The following EPS15L1 variants were observed in gnomAD, a reference collection of about 807,000 sequenced individuals.
The protein encoded by EPS15L1 is epidermal growth factor receptor pathway substrate 15 like 1.
Under a neutral mutation model 117.1 loss-of-function variants are expected in EPS15L1, and 43 were observed. That is an observed-to-expected ratio of 0.37 (90% CI 0.29 to 0.47). The LOEUF is 0.47. Among genes scored for constraint, EPS15L1 ranks in the 20% least tolerant of loss-of-function variants. The pLI, the probability that EPS15L1 is intolerant of heterozygous loss-of-function variation, is 0.99. For missense variants in EPS15L1, 981 were observed against 1,164.0 expected (o/e 0.84, Z 2.29); for synonymous variants, 459 against 470.5 (o/e 0.98, Z 0.32).
At chr19:16,395,771 C>T (rs936049528) in intron 16 of EPS15L1, among the ~76,000 whole-genome samples, 3 of 152,134 alleles carry the variant, frequency 2.0e-5, no homozygotes, top group African/African-American at 7.2e-5. Flanking sequence ...TGGTGAAAAC[C>T]TGTCTCTACT....
intron 23 of EPS15L1, among the ~76,000 whole-genome samples, chr19:16,360,607 C>A (rs144985965): frequency 1.3e-5 from 2 of 151,792 alleles, no homozygotes; most frequent in Non-Finnish European, 2.9e-5. Flanking sequence ...ATTAGCCTTG[C>A]GTGGTGTTGC....
intron 1 of EPS15L1, among the ~76,000 whole-genome samples, chr19:16,459,492 T>C (rs1599686582): frequency 6.6e-6 from 1 of 151,870 alleles, no homozygotes; most frequent in African/African-American, 2.4e-5. Flanking sequence ...GGGAGGCAGG[T>C]GGTGGGCTGA....
At chr19:16,358,890 C>T (rs965794945) in intron 23 of EPS15L1, among the ~76,000 whole-genome samples, 4 of 152,308 alleles carry the variant, frequency 2.6e-5, no homozygotes, top group South Asian at 2.1e-4. Flanking sequence ...AGAACCGTTC[C>T]GCTAACCTAG....
At chr19:16,407,687 A>T (rs768093034) in intron 13 of EPS15L1, among the ~76,000 whole-genome samples, 2 of 152,196 alleles carry the variant, frequency 1.3e-5, no homozygotes, top group Non-Finnish European at 2.9e-5. Context: ...AATAAAGCTG[A>T]AATACACAAT....
chr19:16,386,637 G>C (rs570986085), intron 19 of EPS15L1, among the ~76,000 whole-genome samples: 2 of 152,314 alleles, frequency 1.3e-5, no homozygotes, highest in Admixed American at 6.5e-5. Context: ...ATGGAGCCCA[G>C]AGACAACCAC....
intron 22 of EPS15L1, among the ~76,000 whole-genome samples, chr19:16,375,152 G>C (rs1568397331): frequency 1.3e-5 from 2 of 152,252 alleles, no homozygotes; most frequent in African/African-American, 4.8e-5. Flanking sequence ...AGCATGGAGA[G>C]TGTGCACGGA....
chr19:16,359,576 A>G (rs1365915790), intron 23 of EPS15L1, among the ~76,000 whole-genome samples: 1 of 152,162 alleles, frequency 6.6e-6, no homozygotes, highest in Non-Finnish European at 1.5e-5. Context: ...TAAACAGAAA[A>G]CAGGCCGGGC....
chr19:16,383,689 C>T lies in EPS15L1; in HGVS notation c.2247+1440G>A, dbSNP rs1222366738. The T allele has an allele frequency of 2.6e-5, 4 of 152,268 alleles. No homozygotes were observed. The highest frequency in any genetic ancestry group is 2.9e-5 in the Non-Finnish European group (2 of 68,092). The allele number at this position is 152,268 out of a possible 1,614,324, so 9.4% of individuals were successfully genotyped here. A position where few individuals can be genotyped will look rare whatever the true frequency, so the allele number is the denominator to read the frequency against. ...CGGTCAGAAGTGGGATCTGCTGCGC[C>T]GCCAGGGCACGCACACACGCGTCTT... On this transcript the variant is annotated intron_variant, in intron 21 of 23. Transcript: ENST00000455140. This position sits in a 1 kb window ranked among gnomAD's most constrained non-coding sequence, Gnocchi z 5.2.
chr19:16,358,256 C>G (rs1030315175), intron 23 of EPS15L1: 18 of 152,882 alleles, frequency 1.2e-4, no homozygotes, highest in African/African-American at 4.3e-4. Flanking sequence ...TCAAGGCCAG[C>G]TCACGAATCC....
chr19:16,376,878 T>G (rs559663290), intron 22 of EPS15L1, among the ~76,000 whole-genome samples: 70 of 152,304 alleles, frequency 4.6e-4, no homozygotes, highest in African/African-American at 1.6e-3. Flanking sequence ...CTTTGTGCAC[T>G]CCAATACAGA....
At chr19:16,418,158 A>T in intron 10 of EPS15L1, 54 bp from the exon 11 acceptor site, 1 of 1,552,598 alleles carries the variant, frequency 6.4e-7, no homozygotes, top group Non-Finnish European at 8.7e-7. Flanking sequence ...ACTCAGCCTG[A>T]ACCCAAGTCA....
intron 1 of EPS15L1, among the ~76,000 whole-genome samples, chr19:16,466,089 A>G (rs181622095): frequency 4.3e-4 from 66 of 151,752 alleles, no homozygotes; most frequent in African/African-American, 1.5e-3. Flanking sequence ...CTCAGGTCCA[A>G]GCAATTCTCC....
intron 1 of EPS15L1, among the ~76,000 whole-genome samples, chr19:16,468,933 T>G (rs879354965): frequency 6.6e-6 from 1 of 152,132 alleles, no homozygotes; most frequent in Non-Finnish European, 1.5e-5. Flanking sequence ...GGTGGGAGAA[T>G]TGCTTGAGCC....
chr19:16,385,268 G>T, intron 20 of EPS15L1, 57 bp from the exon 21 acceptor site: 1 of 1,427,976 alleles, frequency 7.0e-7, no homozygotes, highest in Non-Finnish European at 9.9e-7. Flanking sequence ...CATGCCTTCT[G>T]GGGTGGAGGG....
At chr19:16,428,588 G>A in intron 8 of EPS15L1, 114 bp downstream of exon 8, 1 of 707,108 alleles carries the variant, frequency 1.4e-6, no homozygotes, top group African/African-American at 1.9e-5. Context: ...GAAAAGAAAA[G>A]AAAAGAAAAG....
intron 13 of EPS15L1, among the ~76,000 whole-genome samples, chr19:16,410,074 C>A (rs2092693267): frequency 6.7e-6 from 1 of 149,664 alleles, no homozygotes; most frequent in Admixed American, 6.7e-5. Context: ...GCGGAGGCTG[C>A]AGTGAGCTGA....
At chr19:16,392,530 A>T in intron 18 of EPS15L1, 90 bp from the exon 19 acceptor site, 3 of 1,284,274 alleles carry the variant, frequency 2.3e-6, no homozygotes, top group Non-Finnish European at 3.3e-6. Context: ...TGCCGTTTAC[A>T]TGAAATTCTA....
intron 13 of EPS15L1, chr19:16,413,109 C>T: frequency 1.5e-6 from 1 of 683,142 alleles, no homozygotes; most frequent in East Asian, 2.9e-5. Flanking sequence ...CCACATCGGT[C>T]TGGGTATTAA....
chr19:16,396,757 G>T (rs979406007), intron 16 of EPS15L1, among the ~76,000 whole-genome samples: 21 of 152,282 alleles, frequency 1.4e-4, no homozygotes, highest in Middle Eastern at 3.4e-3. Context: ...CCACACAACA[G>T]AATCTGATTC....
Sources: allele counts gnomAD v4.1 joint callset (sites outside exome capture counted in the v4.1 genomes callset), GRCh38; gene constraint gnomAD v4.1.1; non-coding constraint Gnocchi (gnomAD v3.1); transcripts MANE v1.5; gene names NCBI Gene and HGNC (gene_info 2026-07-23, HGNC 2026-07-21).